Variants in DIAPH2 observed in about 807,000 individuals in gnomAD.
DIAPH2 encodes the protein diaphanous related formin 2, also known as protein diaphanous homolog 2.
In DIAPH2, 35 loss-of-function variants were observed where a neutral mutation model predicts 92.7. The observed-to-expected ratio is 0.38, with a 90% CI of 0.29 to 0.50. The LOEUF (loss-of-function observed/expected upper bound fraction) is 0.50, where lower values mean the gene tolerates loss of function less well. DIAPH2 is among the 20% of genes least tolerant of loss of function. The probability of loss-of-function intolerance (pLI) is 0.94; values close to 1 mark genes in which losing one functional copy is unlikely to be tolerated. For missense variants in DIAPH2, 701 were observed against 819.5 expected (o/e 0.86, Z 1.77); for synonymous variants, 301 against 280.4 (o/e 1.07, Z -0.73).
intron 21 of DIAPH2, among the ~76,000 whole-genome samples, chrX:97,117,119 AC>A (rs2067022136): frequency 9.1e-6 from 1 of 109,374 alleles, no homozygotes; most frequent in Non-Finnish European, 1.9e-5. Context: ...CTCACCCCCC[AC>A]TTTTCAGTAA....
chrX:97,299,321 G>A (rs1281753194), intron 23 of DIAPH2, among the ~76,000 whole-genome samples: 1 of 111,644 alleles, frequency 9.0e-6, no homozygotes, highest in Non-Finnish European at 1.9e-5. Context: ...TAAAAATGAT[G>A]AATTGCCCAG....
At chrX:97,158,141 A>G (rs1270090090) in intron 22 of DIAPH2, among the ~76,000 whole-genome samples, 2 of 112,139 alleles carry the variant, frequency 1.8e-5, no homozygotes, top group South Asian at 3.7e-4. Context: ...CTGGTCTTCC[A>G]TGATCTTAAA....
chrX:97,050,869 A>G (rs2066515895), intron 17 of DIAPH2, among the ~76,000 whole-genome samples: 1 of 111,971 alleles, frequency 8.9e-6, no homozygotes, highest in African/African-American at 3.2e-5. Flanking sequence ...AACTTAAATT[A>G]TTTGGAATAT....
chrX:96,723,916 AT>A (rs149595440), intron 1 of DIAPH2, among the ~76,000 whole-genome samples: 307 of 71,247 alleles, frequency 4.3e-3, no homozygotes, highest in African/African-American at 0.013. Context: ...TGATTCTATA[AT>A]TTTTTTTTTT....
chrX:97,016,360 A>C (rs961520848), intron 17 of DIAPH2, among the ~76,000 whole-genome samples: 2 of 112,111 alleles, frequency 1.8e-5, no homozygotes, highest in Non-Finnish European at 3.8e-5. Context: ...ATTGAAAGTC[A>C]CTCATTGTTG....
intron 26 of DIAPH2, among the ~76,000 whole-genome samples, chrX:97,548,367 T>C (rs1258424155): frequency 8.9e-6 from 1 of 112,104 alleles, no homozygotes; most frequent in South Asian, 3.7e-4. Context: ...TCTCCATGAC[T>C]CTTCTGCGGC....
At chrX:97,406,856 T>G (rs1329905055) in intron 25 of DIAPH2, among the ~76,000 whole-genome samples, 1 of 111,205 alleles carries the variant, frequency 9.0e-6, no homozygotes, top group African/African-American at 3.3e-5. Context: ...TGGTCCTAAA[T>G]CTTTGCCAAG....
At chrX:96,844,902 C>T (rs2064961094) in intron 4 of DIAPH2, among the ~76,000 whole-genome samples, 1 of 111,862 alleles carries the variant, frequency 8.9e-6, no homozygotes, top group South Asian at 3.7e-4. Context: ...TTAACATTCT[C>T]CTTATAATTC....
chrX:97,168,260 G>A (rs12851603), intron 22 of DIAPH2, among the ~76,000 whole-genome samples: 1 of 108,830 alleles, frequency 9.2e-6, no homozygotes, highest in East Asian at 2.9e-4. Flanking sequence ...TAATTTTTTT[G>A]TATTTTTAGT....
At chrX:96,774,028 T>C (rs1473685695) in intron 4 of DIAPH2, among the ~76,000 whole-genome samples, 3 of 112,072 alleles carry the variant, frequency 2.7e-5, no homozygotes, top group Non-Finnish European at 5.6e-5. Context: ...CACTGAATAA[T>C]AGTGAACTTT....
intron 21 of DIAPH2, among the ~76,000 whole-genome samples, chrX:97,139,668 A>G (rs2067197128): frequency 9.0e-6 from 1 of 111,279 alleles, no homozygotes; most frequent in Non-Finnish European, 1.9e-5. Flanking sequence ...GTTGTGCTTT[A>G]TTTATCTTTT....
intron 26 of DIAPH2, among the ~76,000 whole-genome samples, chrX:97,515,646 TA>T (rs34338662): frequency 0.049 from 5,495 of 111,231 alleles, 148 homozygotes; most frequent in Middle Eastern, 0.078. Context: ...GTGGGGGACT[TA>T]ACAAGGCCTG....
chrX:97,117,762 A>G (rs927995306), intron 21 of DIAPH2, among the ~76,000 whole-genome samples: 11 of 112,158 alleles, frequency 9.8e-5, no homozygotes, highest in Non-Finnish European at 1.9e-4. Context: ...AAAGGGTATC[A>G]TTATTGTAAT....
intron 26 of DIAPH2, among the ~76,000 whole-genome samples, chrX:97,571,675 C>CCATCTCTGAATCCTTTGCTTT (rs1556244597): frequency 1.8e-5 from 2 of 110,061 alleles, no homozygotes; most frequent in Non-Finnish European, 3.8e-5. Context: ...GTTTTTGCTT[C>CCATCTCTGAATCCTTTGCTTT]CATCTCTGAA....
chrX:97,521,823 A>G (rs149526849), intron 26 of DIAPH2, among the ~76,000 whole-genome samples: 100 of 112,221 alleles, frequency 8.9e-4, no homozygotes, highest in Non-Finnish European at 1.7e-3. Context: ...TCAAAGCAGC[A>G]TAGGAATGGA....
At chrX:97,298,234 G>GTTTTT (rs753905645) in intron 23 of DIAPH2, among the ~76,000 whole-genome samples, 1 of 88,569 alleles carries the variant, frequency 1.1e-5, no homozygotes, top group Non-Finnish European at 2.2e-5. Context: ...AGTTTTTCAG[G>GTTTTT]TTTTTTTTTT....
At chrX:97,395,623 T>TA (rs2069697458) in intron 25 of DIAPH2, among the ~76,000 whole-genome samples, 1 of 111,871 alleles carries the variant, frequency 8.9e-6, no homozygotes, top group South Asian at 3.8e-4. Context: ...TAGTAATTTT[T>TA]TTTTTCTGAC....
intron 24 of DIAPH2, among the ~76,000 whole-genome samples, chrX:97,358,950 G>C (rs561258752): frequency 3.6e-5 from 4 of 111,590 alleles, no homozygotes; most frequent in African/African-American, 9.8e-5. Context: ...TTGTAAAAAG[G>C]CTAGTGGATC....
chrX:97,427,565 T>C (rs922036478), intron 25 of DIAPH2, among the ~76,000 whole-genome samples: 2 of 112,412 alleles, frequency 1.8e-5, no homozygotes, highest in Non-Finnish European at 3.8e-5. Context: ...ATTCTAGCCA[T>C]ACCAAACTAC....
Sources: gnomAD v4.1 joint callset for allele counts (sites outside exome capture counted in the v4.1 genomes callset) on GRCh38, gnomAD v4.1.1 for gene constraint, MANE v1.5 for transcripts, NCBI Gene and HGNC (gene_info 2026-07-23, HGNC 2026-07-21) for gene names.